The following NOM1 variants were observed in gnomAD, a reference collection of about 807,000 sequenced individuals.
NOM1 encodes the protein nucleolar protein with MIF4G domain 1.
NOM1 carries 58 observed loss-of-function variants against 73.3 expected under a neutral mutation model. That is an observed-to-expected ratio of 0.79 (90% CI 0.64 to 0.99). The LOEUF (loss-of-function observed/expected upper bound fraction) is 0.99, where lower values mean the gene tolerates loss of function less well. Ranked by LOEUF, NOM1 falls within the 50% of genes least tolerant of loss-of-function variation. The probability of loss-of-function intolerance (pLI) is 0.00; values close to 1 mark genes in which losing one functional copy is unlikely to be tolerated. For synonymous variants in NOM1, 487 were observed against 446.8 expected, an observed-to-expected ratio of 1.09 and a Z score of -1.14; for missense variants, 1,226 against 1,131.9, an observed-to-expected ratio of 1.08 and a Z score of -1.19.
At chr7:156,968,541 C>T (rs933679643) in intron 9 of NOM1, among the ~76,000 whole-genome samples, 3 of 151,968 alleles carry the variant, frequency 2.0e-5, no homozygotes, top group African/African-American at 4.8e-5. Context: ...CGTTGGCGCC[C>T]GTGAGTCTGT....
At chr7:156,967,438 T>C (rs1805025501) in intron 9 of NOM1, among the ~76,000 whole-genome samples, 1 of 152,058 alleles carries the variant, frequency 6.6e-6, no homozygotes, top group African/African-American at 2.4e-5. Context: ...GTGAGGTGAG[T>C]TTGCTCACGT....
Position 156,969,222 on chromosome 7 carries a change from G to T in NOM1, c.2408+26G>T, listed in dbSNP as rs181842016. 3.0e-4 allele frequency: 335 copies of T among 1,114,502 alleles called. 7 individuals are homozygous for T. In the Admixed American group the frequency reaches 5.6e-3, roughly 19 times the overall value. 69.0% of individuals were successfully genotyped at this position (1,114,502 alleles called of 1,614,324 possible). ...GTATGTGCCCCACCCTTTCCGACGAGACATGGAAGAGAAATGAAGAGATTG... is the reference window on the plus strand; with the variant it reads ...GTATGTGCCCCACCCTTTCCGACGATACATGGAAGAGAAATGAAGAGATTG... On this transcript the variant is annotated intron_variant, in intron 10 of 10. Coordinates refer to ENST00000275820, the MANE Select transcript of NOM1 (RefSeq NM_138400.2).
In NOM1 at chr7:156,962,997, C is replaced by T. The variant is rs775687759; in HGVS notation, c.1744-11C>T. On this transcript the variant is annotated splice_polypyrimidine_tract_variant and intron_variant, in intron 5 of 10. Transcript: ENST00000275820. The stretch of plus-strand genomic sequence containing the variant: ...TTAAAAGCATTTCATTAGCTCTTCT[C>T]TCTTCATCAGGTCCGCAACGCCGGC... 2 of 1,608,608 alleles carry T rather than the reference C, an allele frequency of 1.2e-6. No homozygotes were observed. Among genetic ancestry groups the T allele is most frequent in the South Asian group, 2.2e-5 (2 of 90,980 alleles).
chr7:156,950,596 A>G lies in NOM1; in HGVS notation c.859A>G (p.Thr287Ala). 1.3e-6 allele frequency: 2 copies of G among 1,584,274 alleles called. No homozygotes were observed. Among genetic ancestry groups the G allele is most frequent in the South Asian group, 1.1e-5 (1 of 88,490 alleles). The change falls in exon 1 of 11, where the codon ACA becomes GCA. Residue 287 changes from threonine to alanine, a missense_variant. Transcript: ENST00000275820. ...GCAGAGCGAGGACGACGACGAGGAT[A>G]CAGAAGAGGAACAGGGGGAAGAAAA... ...EAQSEDDDEDTEEEQGEEKEK... is the reference protein window; with the variant it reads ...EAQSEDDDEDAEEEQGEEKEK...
Position 156,950,216 on chromosome 7 carries a change from C to A in NOM1, c.479C>A (p.Thr160Asn), listed in dbSNP as rs764071305. The change falls in exon 1 of 11, where the codon ACC becomes AAC. Residue 160 changes from threonine (T) to asparagine (N), a missense_variant. Thr to Asn is a moderately conservative substitution (Grantham distance 65). Coordinates refer to ENST00000275820, the MANE Select transcript of NOM1 (RefSeq NM_138400.2). ...KAKATAATAK[T>N]RPSAAATAAA... ...AAGGCCACGGCCGCCACCGCAAAGA[C>A]CAGACCCTCCGCAGCCGCCACCGCC... 6.2e-6 allele frequency: 10 copies of A among 1,611,456 alleles called. No homozygotes were observed. Among genetic ancestry groups the A allele is most frequent in the Non-Finnish European group, 6.8e-6 (8 of 1,179,640 alleles).
At chr7:156,952,373 C>G (rs1041180051) in intron 1 of NOM1, 101 bp from the exon 2 acceptor site, 2 of 1,252,004 alleles carry the variant, frequency 1.6e-6, no homozygotes, top group Non-Finnish European at 2.2e-6. Flanking sequence ...CAGCTTCCAC[C>G]AGTTCTTGGA....
At chr7:156,961,512 A>G (rs967880365) in intron 4 of NOM1, among the ~76,000 whole-genome samples, 1 of 152,006 alleles carries the variant, frequency 6.6e-6, no homozygotes, top group Non-Finnish European at 1.5e-5. Context: ...ATGGTTGTTA[A>G]TGGGCTTGGA....
chr7:156,956,868 G>A (rs1342355893), intron 3 of NOM1, among the ~76,000 whole-genome samples: 1 of 152,166 alleles, frequency 6.6e-6, no homozygotes, highest in South Asian at 2.1e-4. Context: ...CATAATCAGG[G>A]CCATTCTGTG....
Position 156,972,070 on chromosome 7 carries a change from A to G in NOM1, c.*2367A>G, listed in dbSNP as rs759965586. On this transcript the variant is annotated 3_prime_UTR_variant, in exon 11 of 11. Coordinates refer to ENST00000275820, the MANE Select transcript of NOM1 (RefSeq NM_138400.2). ...TGAAATAAGGAGCTTGGGCTAAGGT[A>G]TAAATCAACACACTGCTTCCTTCCT... 6.6e-5 allele frequency: 10 copies of G among 152,248 alleles called. No individual in the cohort carries two copies. The highest frequency in any genetic ancestry group is 1.3e-4 in the Non-Finnish European group (9 of 68,054). The allele number at this position is 152,248 out of a possible 1,614,324, so 9.4% of individuals were successfully genotyped here. A position where few individuals can be genotyped will look rare whatever the true frequency, so the allele number is the denominator to read the frequency against.
rs776751083 is a variant in NOM1, at chr7:156,966,415, G to A, written c.2166+13G>A. 16 of 1,613,734 alleles carry A rather than the reference G, an allele frequency of 9.9e-6. No individual in the cohort carries two copies. The highest frequency in any genetic ancestry group is 2.7e-5 in the African/African-American group (2 of 74,930). On this transcript the variant is annotated intron_variant, in intron 8 of 10. Coordinates refer to ENST00000275820, the MANE Select transcript of NOM1 (RefSeq NM_138400.2). ...AAGGAGATTTCAGGTAGCTTAGTGC[G>A]GAGGCACCAGTTACGTCCGCTCTAC...
intron 3 of NOM1, among the ~76,000 whole-genome samples, chr7:156,956,395 C>T (rs1804727877): frequency 6.6e-6 from 1 of 152,162 alleles, no homozygotes; most frequent in Non-Finnish European, 1.5e-5. Context: ...CGAGTTAGTT[C>T]ATGTAATAGG....
intron 3 of NOM1, among the ~76,000 whole-genome samples, chr7:156,956,466 G>T (rs972078809): frequency 6.6e-6 from 1 of 152,230 alleles, no homozygotes; most frequent in Non-Finnish European, 1.5e-5. Context: ...ATGTACAGAA[G>T]GAGATTTTCG....
In NOM1 at chr7:156,963,135, A is replaced by G. The variant is rs867419065; in HGVS notation, c.1871A>G (p.Asn624Ser). 6.2e-6 allele frequency: 10 copies of G among 1,614,042 alleles called. No individual in the cohort carries two copies. The highest frequency in any genetic ancestry group is 7.6e-6 in the Non-Finnish European group (9 of 1,180,042). The change falls in exon 6 of 11, where the codon AAC becomes AGC. Residue 624 changes from asparagine (N) to serine (S), a missense_variant. Physicochemically the swap from Asn to Ser is conservative, Grantham distance 46. Coordinates refer to ENST00000275820, the MANE Select transcript of NOM1 (RefSeq NM_138400.2). ...TGGAGTGGGGCCCCGATGATCGACA[A>G]CAGTCACCATACGCACCTGCAGAAG... Reference protein sequence around the residue: ...SAWSGAPMIDNSHHTHLQKQL... With the variant: ...SAWSGAPMIDSSHHTHLQKQL...
At chr7:156,955,928 C>T (rs1334007164) in intron 3 of NOM1, among the ~76,000 whole-genome samples, 2 of 152,130 alleles carry the variant, frequency 1.3e-5, no homozygotes, top group African/African-American at 4.8e-5. Flanking sequence ...CGGTGGCTCA[C>T]TCGTGTAATC....
Position 156,949,941 on chromosome 7 carries a change from C to T in NOM1, c.204C>T (p.Arg68=). 1.3e-6 allele frequency: 2 copies of T among 1,541,702 alleles called. No individual in the cohort carries two copies. Among genetic ancestry groups the T allele is most frequent in the Non-Finnish European group, 8.7e-7 (1 of 1,145,990 alleles). Residue 68 remains arginine, a synonymous_variant, in exon 1 of 11, where the codon CGC becomes CGT. Transcript: ENST00000275820. Reference sequence around the variant, plus strand: ...AGGCTCCCGGGGGTTGCGAGGGGCGCGGCGCCCCGGTGAGCTTTCGCCCGG... The same window carrying T: ...AGGCTCCCGGGGGTTGCGAGGGGCGTGGCGCCCCGGTGAGCTTTCGCCCGG... The part of the protein sequence containing the change: ...EGEAPGGCEG[R]GAPVSFRPGG...
intron 1 of NOM1, 75 bp downstream of exon 1, chr7:156,950,799 G>A (rs1450195244): frequency 2.3e-6 from 3 of 1,317,208 alleles, no homozygotes; most frequent in African/African-American, 3.0e-5. Flanking sequence ...GCGTGAGGCA[G>A]AAATGACACA....
At chr7:156,968,576 G>T (rs1309574618) in intron 9 of NOM1, among the ~76,000 whole-genome samples, 1 of 151,772 alleles carries the variant, frequency 6.6e-6, no homozygotes, top group Non-Finnish European at 1.5e-5. Context: ...TACTGTATAC[G>T]TATGCCTCAG....
chr7:156,953,458 A>G (rs1804643785), intron 2 of NOM1, among the ~76,000 whole-genome samples: 1 of 152,132 alleles, frequency 6.6e-6, no homozygotes, highest in South Asian at 2.1e-4. Context: ...TGAAGATTCG[A>G]GTCACCACCG....
chr7:156,959,495 G>A (rs1252084705), intron 3 of NOM1, among the ~76,000 whole-genome samples: 1 of 152,120 alleles, frequency 6.6e-6, no homozygotes. Context: ...ACCCACCTCC[G>A]CCTCCTAAAT....
Sources: allele counts gnomAD v4.1 joint callset (sites outside exome capture counted in the v4.1 genomes callset), GRCh38; gene constraint gnomAD v4.1.1; transcripts MANE v1.5; gene names NCBI Gene and HGNC (gene_info 2026-07-23, HGNC 2026-07-21).